PPP1R9A: variants seen among roughly 807,000 people sequenced by gnomAD.
The protein encoded by PPP1R9A is neurabin-1.
A neutral mutation model predicts 141.9 loss-of-function variants in PPP1R9A; 59 were observed. That is an observed-to-expected ratio of 0.42 (90% CI 0.34 to 0.52). The LOEUF is 0.52. Ranked by LOEUF, PPP1R9A falls within the 20% of genes least tolerant of loss-of-function variation. The pLI is 0.10. For synonymous variants in PPP1R9A, 500 were observed against 569.7 expected, an observed-to-expected ratio of 0.88 and a Z score of 1.74; for missense variants, 1,444 against 1,611.9, an observed-to-expected ratio of 0.90 and a Z score of 1.78.
chr7:94,982,425 C>A (rs1344194825), intron 2 of PPP1R9A, among the ~76,000 whole-genome samples: 1 of 152,130 alleles, frequency 6.6e-6, no homozygotes, highest in Non-Finnish European at 1.5e-5. Flanking sequence ...GGTTGAACTA[C>A]TTTACAGTCC....
intron 2 of PPP1R9A, among the ~76,000 whole-genome samples, chr7:95,056,237 T>G (rs1466924514): frequency 6.6e-6 from 1 of 152,154 alleles, no homozygotes; most frequent in Non-Finnish European, 1.5e-5. Context: ...TCCAAGAAGT[T>G]CTTATCTAAA....
intron 2 of PPP1R9A, among the ~76,000 whole-genome samples, chr7:95,044,336 T>C (rs1809680793): frequency 6.6e-6 from 1 of 152,154 alleles, no homozygotes; most frequent in Non-Finnish European, 1.5e-5. Context: ...CTCCTGTGTT[T>C]CCTCTGCTTT....
rs369557864 is a variant in PPP1R9A, at chr7:94,978,041, G to A, written c.1395+66533G>A. Among the ~76,000 whole-genome samples the A allele has an allele frequency of 1.2e-4, 19 of 152,146 alleles. No homozygotes were observed. The South Asian group carries it at 3.5e-3, about 28-fold the overall frequency. ...CTCCCAAAGTGCTGGGATTACAGGC[G>A]TGAGCCACCATGCCCGGCCCATCTT... On this transcript the variant is annotated intron_variant, in intron 2 of 19. Coordinates refer to ENST00000433360, the MANE Select transcript of PPP1R9A (RefSeq NM_001166160.2).
rs538049172 is a variant in PPP1R9A at position 94,916,097 on chromosome 7, T to C, written c.1395+4589T>C. Reference sequence around the variant, plus strand: ...GCTTACCTATTTATTACGCATCTGCTGACTGCCTTCATTTCACCAGCTTGC... The same window carrying C: ...GCTTACCTATTTATTACGCATCTGCCGACTGCCTTCATTTCACCAGCTTGC... On this transcript the variant is annotated intron_variant, in intron 2 of 19. Coordinates refer to ENST00000433360, the MANE Select transcript of PPP1R9A (RefSeq NM_001166160.2). Among the ~76,000 whole-genome samples the C allele has an allele frequency of 1.9e-3, 295 of 152,354 alleles. 2 individuals carry two copies. Among genetic ancestry groups the C allele is most frequent in the African/African-American group, 6.7e-3 (277 of 41,578 alleles).
At chr7:95,285,226 T>C (rs1303118231) in intron 17 of PPP1R9A, among the ~76,000 whole-genome samples, 3 of 152,190 alleles carry the variant, frequency 2.0e-5, no homozygotes, top group Admixed American at 1.3e-4. Context: ...AGTGGAAATC[T>C]AACAGTCCAA....
At chr7:95,187,548 T>C in intron 5 of PPP1R9A, among the ~76,000 whole-genome samples, 1 of 152,258 alleles carries the variant, frequency 6.6e-6, no homozygotes, top group Non-Finnish European at 1.5e-5. Flanking sequence ...TTTCTTCTGC[T>C]GGGTTTGGAT....
chr7:95,159,439 A>C (rs1208220678), intron 4 of PPP1R9A, among the ~76,000 whole-genome samples: 2 of 152,282 alleles, frequency 1.3e-5, no homozygotes, highest in African/African-American at 4.8e-5. Flanking sequence ...TTATACTTCA[A>C]GTTCTGGGGT....
intron 4 of PPP1R9A, among the ~76,000 whole-genome samples, chr7:95,122,860 T>G (rs1387382627): frequency 1.3e-5 from 2 of 152,176 alleles, no homozygotes; most frequent in African/African-American, 4.8e-5. Context: ...CTAAAACTTG[T>G]TTGTAAAATA....
At chr7:94,962,755 A>T (rs1038384104) in intron 2 of PPP1R9A, among the ~76,000 whole-genome samples, 2 of 152,224 alleles carry the variant, frequency 1.3e-5, no homozygotes, top group South Asian at 4.1e-4. Flanking sequence ...TTTGGGCTTG[A>T]TCTTGGGAGT....
chr7:94,920,504 GCTTA>G (rs1584215598), intron 2 of PPP1R9A, among the ~76,000 whole-genome samples: 2 of 152,022 alleles, frequency 1.3e-5, no homozygotes, highest in South Asian at 2.1e-4. Context: ...TTTGTTCTTT[GCTTA>G]CTTAATCTAT....
intron 18 of PPP1R9A, among the ~76,000 whole-genome samples, chr7:95,288,224 A>C (rs1805703707): frequency 6.6e-6 from 1 of 152,238 alleles, no homozygotes; most frequent in African/African-American, 2.4e-5. Flanking sequence ...TGAAATATTT[A>C]TTTTCTACAT....
chr7:95,143,933 G>A lies in PPP1R9A; in HGVS notation c.1650-17934G>A, dbSNP rs190386660. Among the ~76,000 whole-genome samples, 718 of 151,766 alleles carry A rather than the reference G, an allele frequency of 4.7e-3. 3 individuals are homozygous for A. Among genetic ancestry groups the A allele is most frequent in the Non-Finnish European group, 7.6e-3 (514 of 67,964 alleles). ...GATGTGCATATACATTGTGAAATGAGTGTATCATTAACATATTCATCAAGC... is the reference window on the plus strand; with the variant it reads ...GATGTGCATATACATTGTGAAATGAATGTATCATTAACATATTCATCAAGC... On this transcript the variant is annotated intron_variant, in intron 4 of 19. Coordinates refer to ENST00000433360, the MANE Select transcript of PPP1R9A (RefSeq NM_001166160.2).
chr7:95,210,930 A>G (rs1271669698), intron 7 of PPP1R9A, among the ~76,000 whole-genome samples: 1 of 152,098 alleles, frequency 6.6e-6, no homozygotes, highest in Non-Finnish European at 1.5e-5. Flanking sequence ...TCTCACTCAT[A>G]AGTGTGAGTG....
chr7:95,256,220 A>G (rs1403638391), intron 12 of PPP1R9A, among the ~76,000 whole-genome samples: 3 of 151,774 alleles, frequency 2.0e-5, no homozygotes, highest in Non-Finnish European at 4.4e-5. Flanking sequence ...ATTGAAAGCT[A>G]TTAAATATCC....
intron 5 of PPP1R9A, among the ~76,000 whole-genome samples, chr7:95,180,760 A>C (rs1466821873): frequency 6.6e-6 from 1 of 152,154 alleles, no homozygotes; most frequent in African/African-American, 2.4e-5. Context: ...TGGCCAAAAA[A>C]CATGAAAAAA....
intron 2 of PPP1R9A, among the ~76,000 whole-genome samples, chr7:94,981,516 C>T (rs1157054845): frequency 6.6e-6 from 1 of 152,144 alleles, no homozygotes; most frequent in Non-Finnish European, 1.5e-5. Flanking sequence ...GGTTTACAGG[C>T]ATGAGCCACT....
intron 8 of PPP1R9A, among the ~76,000 whole-genome samples, chr7:95,238,563 T>C (rs762307233): frequency 6.6e-6 from 1 of 152,174 alleles, no homozygotes; most frequent in Non-Finnish European, 1.5e-5. Flanking sequence ...CATCAGCTGT[T>C]TTATTAATTG....
In PPP1R9A at chr7:95,250,111, T is replaced by C. The variant is rs1044746649; in HGVS notation, c.2252T>C (p.Met751Thr). 4 of 1,613,806 alleles carry C rather than the reference T, an allele frequency of 2.5e-6. No homozygotes were observed. Among genetic ancestry groups the C allele is most frequent in the Non-Finnish European group, 3.4e-6 (4 of 1,179,890 alleles). ...QQNIEENKER[M>T]LKLESYWIEA... ...AACATAGAAGAGAATAAGGAAAGAA[T>C]GTTGAAGTTGGAAAGCTACTGGATT... is the stretch of plus-strand genomic sequence containing the variant. Residue 751 changes from methionine to threonine, a missense_variant, in exon 10 of 20, where the codon ATG (methionine) becomes ACG (threonine). This residue lies in a region of PPP1R9A where 488 missense variants were observed against 542.0 expected (regional missense o/e 0.90). Coordinates refer to ENST00000433360, the MANE Select transcript of PPP1R9A (RefSeq NM_001166160.2).
chr7:95,125,920 C>A (rs1823486015), intron 4 of PPP1R9A, among the ~76,000 whole-genome samples: 1 of 152,140 alleles, frequency 6.6e-6, no homozygotes, highest in South Asian at 2.1e-4. Context: ...TTCACCCCCT[C>A]TTAGGACCCA....
Sources: gnomAD v4.1 joint callset for allele counts (sites outside exome capture counted in the v4.1 genomes callset) on GRCh38, gnomAD v4.1.1 for gene constraint, gnomAD v4.1.1 regional missense constraint, MANE v1.5 for transcripts, NCBI Gene and HGNC (gene_info 2026-07-23, HGNC 2026-07-21) for gene names.